The following WDR53 variants were observed in gnomAD, a reference collection of about 807,000 sequenced individuals.
WDR53 encodes the protein WD repeat-containing protein 53.
WDR53 carries 19 observed loss-of-function variants against 21.3 expected under a neutral mutation model. The observed-to-expected ratio is 0.89, with a 90% CI of 0.62 to 1.31. The LOEUF is 1.31. Among genes scored for constraint, WDR53 ranks in the 50% most tolerant of loss-of-function variants. The probability of loss-of-function intolerance (pLI) is 0.00; values close to 1 mark genes in which losing one functional copy is unlikely to be tolerated. For missense variants in WDR53, 374 were observed against 423.2 expected, an observed-to-expected ratio of 0.88 and a Z score of 1.02; for synonymous variants, 157 against 163.4, an observed-to-expected ratio of 0.96 and a Z score of 0.30.
Position 196,554,744 on chromosome 3 carries a change from T to C in WDR53, c.544A>G (p.Thr182Ala). 1 of 1,614,200 alleles carries C rather than the reference T, an allele frequency of 6.2e-7. No individual in the cohort carries two copies. The highest frequency in any genetic ancestry group is 8.5e-7 in the Non-Finnish European group (1 of 1,180,030). ...LWITNLQEDETEEMEGPQSPG... is the reference protein window; with the variant it reads ...LWITNLQEDEAEEMEGPQSPG... Reference sequence around the variant, plus strand: ...GACTGTGGGCCTTCCATTTCTTCTGTTTCATCCTCCTGTAAATTTGTAATC... The same window carrying C: ...GACTGTGGGCCTTCCATTTCTTCTGCTTCATCCTCCTGTAAATTTGTAATC... Residue 182 changes from threonine (T) to alanine (A), a missense_variant, in exon 4 of 4, where the codon ACA (threonine) becomes GCA (alanine). By Grantham distance (58) the Thr-to-Ala change is moderately conservative. Transcript: ENST00000332629.
chr3:196,567,751 T>TTGTGTGTGTG (rs3080583), intron 1 of WDR53, among the ~76,000 whole-genome samples: 14,400 of 143,512 alleles, frequency 0.1, 824 homozygotes, highest in Middle Eastern at 0.16. Flanking sequence ...GCTGAAATTC[T>TTGTGTGTGTG]TGTGTGTGTG....
At chr3:196,558,320 C>G (rs1462761178) in intron 3 of WDR53, among the ~76,000 whole-genome samples, 1 of 152,086 alleles carries the variant, frequency 6.6e-6, no homozygotes, top group Non-Finnish European at 1.5e-5. Context: ...GATCCTCCCA[C>G]GTCAACTTCC....
chr3:196,558,021 C>T (rs1308736106), intron 3 of WDR53, among the ~76,000 whole-genome samples: 1 of 152,078 alleles, frequency 6.6e-6, no homozygotes, highest in Non-Finnish European at 1.5e-5. Flanking sequence ...AAGCGATCCA[C>T]CTGCCATGGC....
intron 1 of WDR53, 107 bp from the exon 2 acceptor site, chr3:196,567,414 G>A (rs1735514010): frequency 2.8e-6 from 1 of 351,620 alleles, no homozygotes; most frequent in Non-Finnish European, 5.6e-6. Context: ...GGTAGGGAAG[G>A]TAGCCACCGT....
intron 3 of WDR53, among the ~76,000 whole-genome samples, chr3:196,560,747 C>A (rs9837962): frequency 0.78 from 118,400 of 152,184 alleles, 46,496 homozygotes; most frequent in East Asian, 0.96. Context: ...CAAATATTTG[C>A]ATTTTCAGGT....
chr3:196,559,980 G>C (rs964791513), intron 3 of WDR53, among the ~76,000 whole-genome samples: 3 of 152,108 alleles, frequency 2.0e-5, no homozygotes, highest in South Asian at 2.1e-4. Context: ...AAATCATGAC[G>C]ACTCACTCCA....
chr3:196,565,981 C>T (rs1431799642), intron 2 of WDR53, among the ~76,000 whole-genome samples: 1 of 152,198 alleles, frequency 6.6e-6, no homozygotes, highest in African/African-American at 2.4e-5. Context: ...AAGCGTTAAG[C>T]ACAGCAGTTA....
intron 3 of WDR53, among the ~76,000 whole-genome samples, chr3:196,558,919 TAAG>T (rs1438164734): frequency 3.3e-5 from 5 of 152,202 alleles, no homozygotes; most frequent in African/African-American, 1.2e-4. Context: ...CAAATCAAAA[TAAG>T]AAATTACCTG....
chr3:196,557,597 G>A (rs1734445517), intron 3 of WDR53, among the ~76,000 whole-genome samples: 1 of 151,966 alleles, frequency 6.6e-6, no homozygotes. Flanking sequence ...TTGGGATTTT[G>A]GTTTTAAAAA....
chr3:196,555,345 T>C (rs1734230291), intron 3 of WDR53, among the ~76,000 whole-genome samples: 1 of 152,202 alleles, frequency 6.6e-6, no homozygotes, highest in Non-Finnish European at 1.5e-5. Context: ...CCTTCCTGTA[T>C]CTAGTTTCTA....
At position 196,561,433 on chromosome 3, in the gene WDR53, A is replaced by T. The variant is rs1434804364; in HGVS notation, c.43T>A (p.Cys15Ser). Residue 15 changes from cysteine to serine, a missense_variant, in exon 3 of 4, where the codon TGC (cysteine) becomes AGC (serine). Physicochemically the swap from Cys to Ser is moderately radical, Grantham distance 112. Transcript: ENST00000332629. ...AGCCCTTCTTTACTTGCATTCAGGC[A>T]GAGGACAGGAGAAGAATGCCCACCC... ...WTGGHSSPVL[C>S]LNASKEGLLA... is the part of the protein sequence containing the mutation. The T allele has an allele frequency of 6.2e-7, 1 of 1,614,090 alleles. No homozygotes were observed. Among genetic ancestry groups the T allele is most frequent in the Admixed American group, 1.7e-5 (1 of 60,006 alleles).
At position 196,561,305 on chromosome 3, in the gene WDR53, GAC is replaced by G. The variant is rs1255366424; in HGVS notation, c.169_170del (p.Val57LeufsTer19). On this transcript the variant is annotated frameshift_variant, in exon 3 of 4. Coordinates refer to ENST00000332629, the MANE Select transcript of WDR53 (RefSeq NM_182627.3). LOFTEE classifies it high-confidence loss of function. Reference sequence around the variant, plus strand: ...TGGTGGGACAGGAGGGAGAAAATAAGACACTGGTAACATCATCAGCCCCTTGG... The same window carrying G: ...TGGTGGGACAGGAGGGAGAAAATAAGACTGGTAACATCATCAGCCCCTTGG... Reference protein sequence around the residue: ...RFQGADDVTSVLFSPSCPTKL... With the variant: ...RFQGADDVTSXLFSPSCPTKL... 1.2e-6 allele frequency: 2 copies of G among 1,614,082 alleles called. No individual in the cohort carries two copies. The highest frequency in any genetic ancestry group is 4.5e-5 in the East Asian group (2 of 44,906).
At chr3:196,562,354 C>T (rs79409441) in intron 2 of WDR53, among the ~76,000 whole-genome samples, 147 of 152,304 alleles carry the variant, frequency 9.7e-4, no homozygotes, top group Middle Eastern at 3.4e-3. Flanking sequence ...CTCCGCCTCC[C>T]GGGTTCCAGC....
In WDR53 at chr3:196,565,819, C is replaced by A. The variant is rs1320275385; in HGVS notation, c.-17+1058G>T. On this transcript the variant is annotated intron_variant, in intron 2 of 3. Coordinates refer to ENST00000332629, the MANE Select transcript of WDR53 (RefSeq NM_182627.3). ...AAATGTAATTAAAGTTGGGTTAAATCAAAACAATTTTTCAGAAATGAGTTG... is the reference window on the plus strand; with the variant it reads ...AAATGTAATTAAAGTTGGGTTAAATAAAAACAATTTTTCAGAAATGAGTTG... 9.9e-5 allele frequency among the ~76,000 whole-genome samples: 15 copies of A among 152,086 alleles called. 1 individual carries two copies. The highest frequency in any genetic ancestry group is 6.5e-4 in the Admixed American group (10 of 15,268).
At chr3:196,567,794 G>C (rs1384832744) in intron 1 of WDR53, among the ~76,000 whole-genome samples, 3 of 87,006 alleles carry the variant, frequency 3.4e-5, no homozygotes, top group Non-Finnish European at 5.0e-5. Flanking sequence ...TGTGAGGTAG[G>C]GGCTCACTCT....
chr3:196,563,575 C>CTTTTTTTTTTTTTTT (rs11332529), intron 2 of WDR53, among the ~76,000 whole-genome samples: 9 of 143,754 alleles, frequency 6.3e-5, no homozygotes, highest in African/African-American at 2.4e-4. Context: ...CAACACAAAG[C>CTTTTTTTTTTTTTTT]TTTTTTTTTT....
At chr3:196,558,654 G>A (rs1734553285) in intron 3 of WDR53, among the ~76,000 whole-genome samples, 1 of 152,244 alleles carries the variant, frequency 6.6e-6, no homozygotes. Flanking sequence ...TGCTCAGAGA[G>A]AAGTAACTCA....
chr3:196,558,150 C>T (rs1315949936), intron 3 of WDR53, among the ~76,000 whole-genome samples: 2 of 152,068 alleles, frequency 1.3e-5, no homozygotes, highest in Admixed American at 6.6e-5. Context: ...AGCAGTCTCA[C>T]GTGTCTTAAA....
chr3:196,555,945 CTGTT>C (rs1270995892), intron 3 of WDR53, among the ~76,000 whole-genome samples: 2 of 151,954 alleles, frequency 1.3e-5, no homozygotes, highest in African/African-American at 2.4e-5. Context: ...CTAACAATCA[CTGTT>C]TGGGTGAAGT....
Sources: gnomAD v4.1 joint callset for allele counts (sites outside exome capture counted in the v4.1 genomes callset) on GRCh38, gnomAD v4.1.1 for gene constraint, MANE v1.5 for transcripts, NCBI Gene and HGNC (gene_info 2026-07-23, HGNC 2026-07-21) for gene names.